Variants in CHST9 observed in about 807,000 individuals in gnomAD.
The protein encoded by CHST9 is GalNAc-4-sulfotransferase 2.
In CHST9, 41 loss-of-function variants were observed where a neutral mutation model predicts 44.4. That is an observed-to-expected ratio of 0.92 (90% CI 0.72 to 1.20). The LOEUF (loss-of-function observed/expected upper bound fraction) is 1.20, where lower values mean the gene tolerates loss of function less well. Ranked by LOEUF, CHST9 falls within the 50% of genes most tolerant of loss-of-function variation. The pLI, the probability that CHST9 is intolerant of heterozygous loss-of-function variation, is 0.00. For synonymous variants in CHST9, 171 were observed against 178.4 expected (o/e 0.96, Z 0.33); for missense variants, 504 against 516.5 (o/e 0.98, Z 0.23).
intron 2 of CHST9, among the ~76,000 whole-genome samples, chr18:27,084,475 T>C (rs1413520398): frequency 6.6e-6 from 1 of 151,594 alleles, no homozygotes; most frequent in African/African-American, 2.4e-5. Context: ...TTTTTTTATT[T>C]CTGTGGGGTT....
chr18:26,998,218 T>C lies in CHST9; in HGVS notation c.202+25898A>G, dbSNP rs560989365. 6.6e-5 allele frequency among the ~76,000 whole-genome samples: 10 copies of C among 152,294 alleles called. No homozygotes were observed. In the East Asian group the frequency reaches 1.9e-3, roughly 29 times the overall value. ...TCCTGGCACCCTGCTCGTATTTTAT[T>C]GTGGCACCTATATCGCTGGATCTCA... On this transcript the variant is annotated intron_variant, in intron 4 of 5. Coordinates refer to ENST00000618847, the MANE Select transcript of CHST9 (RefSeq NM_031422.6).
At chr18:26,949,307 A>T (rs1286153891) in intron 4 of CHST9, among the ~76,000 whole-genome samples, 1 of 152,180 alleles carries the variant, frequency 6.6e-6, no homozygotes, top group Non-Finnish European at 1.5e-5. Context: ...GACAACACTC[A>T]GGTTTTTATT....
intron 4 of CHST9, among the ~76,000 whole-genome samples, chr18:26,979,388 T>A (rs561516308): frequency 6.6e-6 from 1 of 152,340 alleles, no homozygotes; most frequent in East Asian, 1.9e-4. Context: ...TTTGGTTTTA[T>A]ATAGTTATGG....
At chr18:26,951,287 C>T (rs1336656000) in intron 4 of CHST9, among the ~76,000 whole-genome samples, 3 of 152,226 alleles carry the variant, frequency 2.0e-5, no homozygotes, top group Non-Finnish European at 4.4e-5. Context: ...TGCAGTGAGA[C>T]TCACTAATTC....
At chr18:26,933,360 C>T (rs1288301797) in intron 5 of CHST9, among the ~76,000 whole-genome samples, 1 of 152,198 alleles carries the variant, frequency 6.6e-6, no homozygotes, top group African/African-American at 2.4e-5. Context: ...TAATGATGCC[C>T]ACCCAATGGG....
intron 3 of CHST9, among the ~76,000 whole-genome samples, chr18:27,026,131 C>T (rs947198182): frequency 1.3e-5 from 2 of 152,110 alleles, no homozygotes; most frequent in Admixed American, 6.5e-5. Context: ...TCCATGATGG[C>T]TCAAATATGA....
chr18:26,986,958 G>A (rs761748374), intron 4 of CHST9, among the ~76,000 whole-genome samples: 4 of 152,192 alleles, frequency 2.6e-5, no homozygotes, highest in Non-Finnish European at 5.9e-5. Context: ...GAAAACCTGT[G>A]TTTATACAAA....
chr18:27,128,720 G>T (rs1486211872), intron 2 of CHST9, among the ~76,000 whole-genome samples: 1 of 152,080 alleles, frequency 6.6e-6, no homozygotes, highest in Non-Finnish European at 1.5e-5. Context: ...ATGATTTTTG[G>T]GTTATACATT....
rs1471616054 is a variant in CHST9 at position 26,910,003 on chromosome 18, G to T, written c.*6256C>A. 1.3e-5 allele frequency: 2 copies of T among 152,160 alleles called. No individual in the cohort carries two copies. Among genetic ancestry groups the T allele is most frequent in the African/African-American group, 4.8e-5 (2 of 41,418 alleles). The allele number at this position is 152,160 out of a possible 1,614,324, so 9.4% of individuals were successfully genotyped here. ...GCGGGCACACCTGCAAAACAGAAGA[G>T]ATTTTTGGATGAAGGTTATAGAACA... On this transcript the variant is annotated 3_prime_UTR_variant, in exon 6 of 6. Transcript: ENST00000618847.
In CHST9 at chr18:26,916,925, A is replaced by G. The variant is rs868146176; in HGVS notation, c.666T>C (p.Ala222=). 4 of 1,613,858 alleles carry G rather than the reference A, an allele frequency of 2.5e-6. No individual in the cohort carries two copies. In the Middle Eastern group the frequency reaches 6.6e-4, roughly 266 times the overall value. The change falls in exon 6 of 6, where the codon GCT becomes GCC. Residue 222 remains alanine, a synonymous_variant. Transcript: ENST00000618847. ...HKILYCEVPK[A]GCSNWKRILM... is the part of the protein sequence containing the mutation. ...GAATTCTTTTCCAATTGGAACAGCC[A>G]GCCTTAGGTACCTCACAATATAAGA...
chr18:27,094,613 A>G (rs554050107), intron 2 of CHST9, among the ~76,000 whole-genome samples: 1 of 152,338 alleles, frequency 6.6e-6, no homozygotes, highest in African/African-American at 2.4e-5. Context: ...AATATATCAA[A>G]GAGAGATTTC....
chr18:27,053,274 G>GAAGAGGA, intron 2 of CHST9, among the ~76,000 whole-genome samples: 1 of 52,688 alleles, frequency 1.9e-5, no homozygotes, highest in African/African-American at 5.8e-5. Flanking sequence ...GAAGGAGAAG[G>GAAGAGGA]AGAAGGAGAA....
intron 2 of CHST9, 57 bp from the exon 3 acceptor site, chr18:27,048,560 A>T: frequency 6.9e-7 from 1 of 1,440,138 alleles, no homozygotes; most frequent in South Asian, 1.3e-5. Flanking sequence ...TATGATGAAA[A>T]TAAGATGAAA....
At chr18:26,953,396 A>G (rs1002097205) in intron 4 of CHST9, among the ~76,000 whole-genome samples, 1 of 152,164 alleles carries the variant, frequency 6.6e-6, no homozygotes, top group Non-Finnish European at 1.5e-5. Flanking sequence ...AAAGCGATAG[A>G]CAATTTGGGG....
chr18:26,922,701 T>C lies in CHST9; in HGVS notation c.241-5351A>G, dbSNP rs184725794. ...CCCAGGCTGGAGTGCAATGGCATGA[T>C]CTTGGCTTACTGCAGCCTCTGCCTC... On this transcript the variant is annotated intron_variant, in intron 5 of 5. Transcript: ENST00000618847. 1.4e-3 allele frequency among the ~76,000 whole-genome samples: 206 copies of C among 152,268 alleles called. 1 individual carries two copies. The highest frequency in any genetic ancestry group is 4.6e-3 in the African/African-American group (192 of 41,548).
intron 3 of CHST9, among the ~76,000 whole-genome samples, chr18:27,036,726 C>A (rs1341499228): frequency 1.3e-5 from 2 of 152,122 alleles, no homozygotes; most frequent in Non-Finnish European, 1.5e-5. Flanking sequence ...TGTGCTTATA[C>A]CTGCAATGAG....
chr18:26,995,623 G>T (rs2056879300), intron 4 of CHST9, among the ~76,000 whole-genome samples: 1 of 152,150 alleles, frequency 6.6e-6, no homozygotes, highest in Non-Finnish European at 1.5e-5. Flanking sequence ...AGCTTAGCCT[G>T]CAAATGTCAG....
At chr18:27,167,402 A>G (rs564325866) in intron 1 of CHST9, among the ~76,000 whole-genome samples, 1 of 152,244 alleles carries the variant, frequency 6.6e-6, no homozygotes, top group East Asian at 1.9e-4. Context: ...CATATCCATC[A>G]ATTTGTTTTT....
intron 4 of CHST9, among the ~76,000 whole-genome samples, chr18:26,982,026 A>G (rs2056697803): frequency 6.6e-6 from 1 of 152,122 alleles, no homozygotes; most frequent in Non-Finnish European, 1.5e-5. Flanking sequence ...AAGCAAATCT[A>G]TTATGTTATT....
Sources: allele counts gnomAD v4.1 joint callset (sites outside exome capture counted in the v4.1 genomes callset), GRCh38; gene constraint gnomAD v4.1.1; transcripts MANE v1.5; gene names NCBI Gene and HGNC (gene_info 2026-07-23, HGNC 2026-07-21).